The following MDM2 variants were observed in gnomAD, a reference collection of about 807,000 sequenced individuals.
The protein encoded by MDM2 is MDM2 proto-oncogene, also known as E3 ubiquitin-protein ligase Mdm2.
Under a neutral mutation model 64.3 loss-of-function variants are expected in MDM2, and 11 were observed. That is an observed-to-expected ratio of 0.17 (90% CI 0.11 to 0.28). MDM2 has a LOEUF of 0.28. Among genes scored for constraint, MDM2 ranks in the 10% least tolerant of loss-of-function variants. The pLI is 1.00. For synonymous variants in MDM2, 194 were observed against 192.9 expected, an observed-to-expected ratio of 1.01 and a Z score of -0.05; for missense variants, 388 against 577.1, an observed-to-expected ratio of 0.67 and a Z score of 3.36.
At chr12:68,826,649 AAAAAAAAAAAAAAAAG>A (rs1210024515) in intron 7 of MDM2, among the ~76,000 whole-genome samples, 1 of 126,610 alleles carries the variant, frequency 7.9e-6, no homozygotes, top group Non-Finnish European at 1.9e-5. Context: ...ACTCCCTCTT[AAAAAAAAAAAAAAAAG>A]AAAAGAAAAA....
At chr12:68,836,515 T>C in intron 9 of MDM2, 157 bp from the exon 10 acceptor site, 1 of 546,216 alleles carries the variant, frequency 1.8e-6, no homozygotes, top group East Asian at 3.1e-5. Flanking sequence ...CTCTCCTCCA[T>C]TTTTTCCCCC....
At chr12:68,816,421 G>A (rs534628093) in intron 3 of MDM2, among the ~76,000 whole-genome samples, 19 of 128,372 alleles carry the variant, frequency 1.5e-4, no homozygotes, top group East Asian at 2.3e-4. Flanking sequence ...TGCTTAAGCC[G>A]GAGTGCAGTG....
chr12:68,826,665 GA>G (rs1191589424), intron 7 of MDM2, among the ~76,000 whole-genome samples: 10 of 135,338 alleles, frequency 7.4e-5, no homozygotes, highest in African/African-American at 3.2e-4. Context: ...AAAAAAAAAA[GA>G]AAAGAAAAAA....
intron 3 of MDM2, 95 bp downstream of exon 3, chr12:68,813,723 G>T: frequency 4.9e-6 from 4 of 824,274 alleles, no homozygotes; most frequent in African/African-American, 1.7e-5. Flanking sequence ...CCATATAGAA[G>T]GATTTTTCAT....
intron 6 of MDM2, 48 bp downstream of exon 6, chr12:68,824,478 G>A: frequency 6.3e-7 from 1 of 1,596,738 alleles, no homozygotes; most frequent in African/African-American, 1.3e-5. Flanking sequence ...TTTGCAAATT[G>A]GAAAGGTTAT....
chr12:68,833,149 A>AATATATATATATATATATATATAT (rs57734852), intron 8 of MDM2, among the ~76,000 whole-genome samples: 2 of 65,976 alleles, frequency 3.0e-5, no homozygotes, highest in African/African-American at 1.2e-4. Context: ...AAAAAAAAAA[A>AATATATATATATATATATATATAT]ATATATATAT....
chr12:68,809,328 ATTTAT>A (rs1465816081), intron 2 of MDM2, 36 bp downstream of exon 2: 4 of 1,569,326 alleles, frequency 2.5e-6, no homozygotes, highest in Admixed American at 3.4e-5. Context: ...TTTAAGAATA[ATTTAT>A]TTTATGAAGT....
rs1417086561 is a variant in MDM2 at position 68,844,281 on chromosome 12, A to ATG, written c.*4436_*4437dup. The ATG allele has an allele frequency of 2.3e-5, 5 of 219,820 alleles. No individual in the cohort carries two copies. The East Asian group carries it at 3.4e-4, about 15-fold the overall frequency. 13.6% of individuals were successfully genotyped at this position (219,820 alleles called of 1,614,324 possible). A position where few individuals can be genotyped will look rare whatever the true frequency, so the allele number is the denominator to read the frequency against. On this transcript the variant is annotated 3_prime_UTR_variant, in exon 11 of 11. Transcript: ENST00000258149. Reference sequence around the variant, plus strand: ...TGGGTAACAAAAGGCACAAGTCTGAATGTGTTTCTTTTTCTGGAATGGCCA... The same window carrying ATG: ...TGGGTAACAAAAGGCACAAGTCTGAATGTGTGTTTCTTTTTCTGGAATGGCCA...
Position 68,843,330 on chromosome 12 carries a change from G to A in MDM2, c.*3481G>A, listed in dbSNP as rs1883970313. ...AGAGAGAGAGAGTAGGGTGACTATA[G>A]TTAATGTATTGAATGTTCTTGCTAC... is the stretch of plus-strand genomic sequence containing the variant. On this transcript the variant is annotated 3_prime_UTR_variant, in exon 11 of 11. Transcript: ENST00000258149. 1 of 230,394 alleles carries A rather than the reference G, an allele frequency of 4.3e-6. No individual in the cohort carries two copies. Among genetic ancestry groups the A allele is most frequent in the Non-Finnish European group, 8.6e-6 (1 of 116,424 alleles). The allele number at this position is 230,394 out of a possible 1,614,324, so 14.3% of individuals were successfully genotyped here. A position where few individuals can be genotyped will look rare whatever the true frequency, so the allele number is the denominator to read the frequency against.
intron 1 of MDM2, chr12:68,808,978 T>C: frequency 1.4e-6 from 2 of 1,421,244 alleles, no homozygotes; most frequent in Non-Finnish European, 1.8e-6. Flanking sequence ...TCCTGACTTG[T>C]CTCCAGCTGG....
intron 5 of MDM2, among the ~76,000 whole-genome samples, chr12:68,823,274 T>G (rs973704056): frequency 1.2e-4 from 19 of 152,224 alleles, no homozygotes; most frequent in African/African-American, 4.6e-4. Flanking sequence ...AAAGGGTATT[T>G]GATGATAATT....
downstream of MDM2, chr12:68,850,079 A>G (rs2589283): frequency 0.99 from 150,892 of 152,272 alleles, 74,763 homozygotes; most frequent in East Asian, 1. Context: ...GAGGCCAGGA[A>G]TTCAAGACCA....
downstream of MDM2, chr12:68,848,898 A>C (rs1274965848): frequency 6.6e-6 from 1 of 151,866 alleles, no homozygotes; most frequent in Non-Finnish European, 1.5e-5. Flanking sequence ...TTTTTAATAG[A>C]GGCAGGGTTT....
At chr12:68,821,941 C>T (rs1024165611) in intron 5 of MDM2, among the ~76,000 whole-genome samples, 6 of 152,038 alleles carry the variant, frequency 3.9e-5, no homozygotes, top group African/African-American at 7.2e-5. Context: ...CTGCATCCTC[C>T]ACCTCCAGGG....
Position 68,844,314 on chromosome 12 carries a change from C to T in MDM2, c.*4465C>T, listed in dbSNP as rs1056181631. 2 of 222,432 alleles carry T rather than the reference C, an allele frequency of 9.0e-6. No individual in the cohort carries two copies. The highest frequency in any genetic ancestry group is 4.5e-5 in the African/African-American group (2 of 44,728). The allele number at this position is 222,432 out of a possible 1,614,324, so 13.8% of individuals were successfully genotyped here. ...CTTTTTCTGGAATGGCCATGCCTGC[C>T]CACTTTAGAAATACAAATATCACTG... is the stretch of plus-strand genomic sequence containing the variant. On this transcript the variant is annotated 3_prime_UTR_variant, in exon 11 of 11. Transcript: ENST00000258149.
chr12:68,815,760 A>G (rs3730523), intron 3 of MDM2: 1 of 222,798 alleles, frequency 4.5e-6, no homozygotes. Flanking sequence ...TTCATTTCTA[A>G]TACAGTGATA....
Position 68,808,608 on chromosome 12 carries a change from T to TCGGGGCG in MDM2, c.14+131_14+137dup, listed in dbSNP as rs535193240. Reference sequence around the variant, plus strand: ...CTTTGTGCGGTTCGTGGCTGGGGGCTCGGGGCGCGGGGCGCGGGGCATGGG... The same window carrying TCGGGGCG: ...CTTTGTGCGGTTCGTGGCTGGGGGCTCGGGGCGCGGGGCGCGGGGCGCGGGGCATGGG... On this transcript the variant is annotated intron_variant, in intron 1 of 10. Transcript: ENST00000258149. 237 of 1,468,470 alleles carry TCGGGGCG rather than the reference T, an allele frequency of 1.6e-4. 1 individual carries two copies. The highest frequency in any genetic ancestry group is 7.9e-4 in the South Asian group (65 of 81,892). The allele number at this position is 1,468,470 out of a possible 1,614,324, so 91.0% of individuals were successfully genotyped here.
intron 10 of MDM2, among the ~76,000 whole-genome samples, chr12:68,837,254 A>C (rs1265033228): frequency 1.3e-5 from 2 of 151,964 alleles, no homozygotes; most frequent in Non-Finnish European, 2.9e-5. Context: ...GCCCAGCTGA[A>C]TTTGTACATT....
chr12:68,841,281 G>T lies in MDM2; in HGVS notation c.*1432G>T. On this transcript the variant is annotated 3_prime_UTR_variant, in exon 11 of 11. Coordinates refer to ENST00000258149, the MANE Select transcript of MDM2 (RefSeq NM_002392.6). ...TTTAGGTTTTCTTGATTTAACAATA[G>T]AGACAGGGTCTCCCTGTGTTGCCCA... The T allele has an allele frequency of 5.0e-6, 1 of 201,300 alleles. No homozygotes were observed. Among genetic ancestry groups the T allele is most frequent in the Non-Finnish European group, 1.0e-5 (1 of 97,868 alleles). 12.5% of individuals were successfully genotyped at this position (201,300 alleles called of 1,614,324 possible). A position where few individuals can be genotyped will look rare whatever the true frequency, so the allele number is the denominator to read the frequency against.
Sources: gnomAD v4.1 joint callset for allele counts (sites outside exome capture counted in the v4.1 genomes callset) on GRCh38, gnomAD v4.1.1 for gene constraint, MANE v1.5 for transcripts, NCBI Gene and HGNC (gene_info 2026-07-23, HGNC 2026-07-21) for gene names.